The following AGMO variants were observed in gnomAD, a reference collection of about 807,000 sequenced individuals.
The protein encoded by AGMO is glyceryl-ether monooxygenase.
AGMO carries 75 observed loss-of-function variants against 60.2 expected under a neutral mutation model. The ratio of observed to expected loss-of-function variants is 1.25; its 90% CI spans 1.03 to 1.51. The LOEUF is 1.51. Among genes scored for constraint, AGMO ranks in the 40% most tolerant of loss-of-function variants. The pLI is 0.00. For synonymous variants in AGMO, 261 were observed against 177.1 expected (o/e 1.47, Z -3.76); for missense variants, 763 against 525.5 (o/e 1.45, Z -4.42).
chr7:15,388,422 G>T (rs1004666332), intron 8 of AGMO, among the ~76,000 whole-genome samples: 3 of 152,048 alleles, frequency 2.0e-5, no homozygotes, highest in Non-Finnish European at 4.4e-5. Context: ...CTGGGGCTTT[G>T]CAATAATAAT....
chr7:15,226,232 T>C (rs1782077609), intron 12 of AGMO, among the ~76,000 whole-genome samples: 1 of 152,072 alleles, frequency 6.6e-6, no homozygotes, highest in Admixed American at 6.6e-5. Flanking sequence ...ACAAACTCTG[T>C]ATTTTAAATA....
At chr7:15,229,196 T>C (rs142557991) in intron 12 of AGMO, among the ~76,000 whole-genome samples, 11 of 152,178 alleles carry the variant, frequency 7.2e-5, no homozygotes, top group African/African-American at 1.9e-4. Flanking sequence ...AAATGATTCA[T>C]TGGACAACAA....
chr7:15,411,987 G>C (rs754837370), intron 5 of AGMO, among the ~76,000 whole-genome samples: 7 of 152,082 alleles, frequency 4.6e-5, no homozygotes, highest in Non-Finnish European at 1.0e-4. Flanking sequence ...TCTATTATCT[G>C]TGTCCTCAGA....
chr7:15,258,733 C>G (rs1308817326), intron 12 of AGMO, among the ~76,000 whole-genome samples: 24 of 152,074 alleles, frequency 1.6e-4, no homozygotes, highest in Admixed American at 1.5e-3. Context: ...TATCTAAAGA[C>G]AGATCACATC....
intron 12 of AGMO, among the ~76,000 whole-genome samples, chr7:15,246,380 C>T (rs546283311): frequency 2.4e-4 from 36 of 152,226 alleles, no homozygotes; most frequent in Admixed American, 3.3e-4. Flanking sequence ...TTTGGAGAAA[C>T]AACTACTGAT....
intron 12 of AGMO, among the ~76,000 whole-genome samples, chr7:15,244,164 A>T (rs1583322100): frequency 6.9e-6 from 1 of 144,456 alleles, no homozygotes; most frequent in Non-Finnish European, 1.6e-5. Flanking sequence ...CATATATATA[A>T]TTTAAATTTG....
At chr7:15,453,678 G>A (rs547385734) in intron 3 of AGMO, among the ~76,000 whole-genome samples, 11 of 152,248 alleles carry the variant, frequency 7.2e-5, no homozygotes, top group African/African-American at 2.4e-4. Flanking sequence ...AACATCTGGA[G>A]AACAATGAGC....
At chr7:15,442,792 A>C (rs1186226073) in intron 3 of AGMO, among the ~76,000 whole-genome samples, 1 of 152,090 alleles carries the variant, frequency 6.6e-6, no homozygotes, top group Non-Finnish European at 1.5e-5. Flanking sequence ...CCTGTGCCTA[A>C]AAAAACCTGA....
At chr7:15,464,632 T>C (rs1377272951) in intron 3 of AGMO, among the ~76,000 whole-genome samples, 2 of 152,086 alleles carry the variant, frequency 1.3e-5, no homozygotes, top group Admixed American at 6.6e-5. Context: ...TTCAGTGAAA[T>C]GGGCCTAGAA....
chr7:15,277,493 G>A (rs1033570719), intron 12 of AGMO, among the ~76,000 whole-genome samples: 1 of 151,866 alleles, frequency 6.6e-6, no homozygotes, highest in South Asian at 2.1e-4. Flanking sequence ...TGGAGAAGCT[G>A]ACACTTCTTG....
chr7:15,153,823 T>C, the AGMO span, among the ~76,000 whole-genome samples: 1 of 152,200 alleles, frequency 6.6e-6, no homozygotes, highest in African/African-American at 2.4e-5. Flanking sequence ...CTATGCAAGC[T>C]ATTTTTTGGT....
chr7:15,158,541 T>C, the AGMO span, among the ~76,000 whole-genome samples: 1 of 152,210 alleles, frequency 6.6e-6, no homozygotes, highest in Non-Finnish European at 1.5e-5. Context: ...TTTTTTCCCA[T>C]GCATGAGTCT....
At chr7:15,363,296 C>G (rs182137390) in intron 12 of AGMO, among the ~76,000 whole-genome samples, 33 of 152,146 alleles carry the variant, frequency 2.2e-4, no homozygotes, top group Non-Finnish European at 4.3e-4. Context: ...CAGGCCAAGG[C>G]CAAATAGTTA....
chr7:15,188,032 G>A, the AGMO span, among the ~76,000 whole-genome samples: 1 of 152,012 alleles, frequency 6.6e-6, no homozygotes, highest in East Asian at 1.9e-4. Flanking sequence ...TCTCCTTTTA[G>A]TTCACGGCAA....
At chr7:15,276,823 A>T (rs1434488109) in intron 12 of AGMO, among the ~76,000 whole-genome samples, 2 of 147,432 alleles carry the variant, frequency 1.4e-5, no homozygotes, top group African/African-American at 5.0e-5. Flanking sequence ...GGTCTAGTTT[A>T]TTGTTAAAGC....
At chr7:15,539,984 A>G (rs1784581810) in intron 3 of AGMO, among the ~76,000 whole-genome samples, 1 of 152,222 alleles carries the variant, frequency 6.6e-6, no homozygotes, top group African/African-American at 2.4e-5. Context: ...ATCAAGAGAC[A>G]GAAACCACAT....
chr7:15,313,096 G>T (rs969159079), intron 12 of AGMO, among the ~76,000 whole-genome samples: 1 of 152,182 alleles, frequency 6.6e-6, no homozygotes, highest in South Asian at 2.1e-4. Flanking sequence ...AACATTCACT[G>T]TGAAACATAA....
chr7:15,369,868 A>G (rs529056989), intron 10 of AGMO, among the ~76,000 whole-genome samples: 2 of 152,238 alleles, frequency 1.3e-5, no homozygotes, highest in East Asian at 3.9e-4. Flanking sequence ...TACATTGCTA[A>G]TATGTTATTT....
At chr7:15,305,497 G>T (rs2128528387) in intron 12 of AGMO, among the ~76,000 whole-genome samples, 1 of 152,018 alleles carries the variant, frequency 6.6e-6, no homozygotes, top group African/African-American at 2.4e-5. Flanking sequence ...ATGAGTTTTT[G>T]TGCCAGTTTT....
Sources: gnomAD v4.1 joint callset for allele counts (sites outside exome capture counted in the v4.1 genomes callset) on GRCh38, gnomAD v4.1.1 for gene constraint, MANE v1.5 for transcripts, NCBI Gene and HGNC (gene_info 2026-07-23, HGNC 2026-07-21) for gene names.